ATG5: variants seen among roughly 807,000 people sequenced by gnomAD.
The protein encoded by ATG5 is autophagy protein 5.
In ATG5, 14 loss-of-function variants were observed where a neutral mutation model predicts 36.5. The observed-to-expected ratio is 0.38, with a 90% CI of 0.25 to 0.60. The LOEUF is 0.60. ATG5 is among the 20% of genes least tolerant of loss of function. The pLI is 0.60. For missense variants in ATG5, 195 were observed against 326.7 expected, an observed-to-expected ratio of 0.60 and a Z score of 3.11; for synonymous variants, 95 against 101.5, an observed-to-expected ratio of 0.94 and a Z score of 0.38.
intron 7 of ATG5, among the ~76,000 whole-genome samples, chr6:106,191,557 C>T (rs1318196687): frequency 5.3e-5 from 8 of 151,978 alleles, no homozygotes; most frequent in Admixed American, 4.6e-4. Context: ...CTTCTGTTTC[C>T]TCATCTTACA....
Position 106,283,605 on chromosome 6 carries a change from T to G in ATG5, c.316-3782A>C, listed in dbSNP as rs146898563. 443 of 152,214 alleles carry G rather than the reference T, an allele frequency of 2.9e-3. 2 individuals carry two copies. Among genetic ancestry groups the G allele is most frequent in the African/African-American group, 1.0e-2 (414 of 41,502 alleles). 9.4% of individuals were successfully genotyped at this position (152,214 alleles called of 1,614,324 possible). A position where few individuals can be genotyped will look rare whatever the true frequency, so the allele number is the denominator to read the frequency against. ...ATTGATGCTGAACTTAGTGTGGAAA[T>G]TCAATCGGCATAGCACACTACGGCC... On this transcript the variant is annotated intron_variant, in intron 4 of 7. Coordinates refer to ENST00000369076, the MANE Select transcript of ATG5 (RefSeq NM_004849.4).
At chr6:106,248,982 A>C (rs552852) in intron 5 of ATG5, among the ~76,000 whole-genome samples, 4 of 152,226 alleles carry the variant, frequency 2.6e-5, no homozygotes, top group Non-Finnish European at 5.9e-5. Context: ...AACACAGTAA[A>C]CATTAAATAC....
chr6:106,278,810 A>G (rs57255548), intron 5 of ATG5, among the ~76,000 whole-genome samples: 3,747 of 152,356 alleles, frequency 0.025, 64 homozygotes, highest in African/African-American at 0.049. Context: ...GGTAAAATGA[A>G]TAACAGACAT....
At chr6:106,277,079 A>C (rs1336051603) in intron 5 of ATG5, among the ~76,000 whole-genome samples, 1 of 152,194 alleles carries the variant, frequency 6.6e-6, no homozygotes, top group Non-Finnish European at 1.5e-5. Context: ...GAAAAAATGT[A>C]ATTTACAGTA....
chr6:106,316,263 C>A lies in ATG5; in HGVS notation c.-55G>T. On this transcript the variant is annotated 5_prime_UTR_variant, in exon 2 of 8. Coordinates refer to ENST00000369076, the MANE Select transcript of ATG5 (RefSeq NM_004849.4). ...GCTAAATTCTTATTTCAACCAAAGC[C>A]AAACTGAAAATAAAATGAAGAGCAT... 1.5e-6 allele frequency: 2 copies of A among 1,368,348 alleles called. No individual in the cohort carries two copies. Among genetic ancestry groups the A allele is most frequent in the South Asian group, 1.2e-5 (1 of 81,664 alleles). 84.8% of individuals were successfully genotyped at this position (1,368,348 alleles called of 1,614,324 possible). A position where few individuals can be genotyped will look rare whatever the true frequency, so the allele number is the denominator to read the frequency against.
intron 7 of ATG5, among the ~76,000 whole-genome samples, chr6:106,198,672 G>C (rs1582537413): frequency 1.3e-5 from 2 of 152,034 alleles, no homozygotes; most frequent in South Asian, 2.1e-4. Flanking sequence ...AGCTACTAGG[G>C]AGGCTGAGTC....
chr6:106,248,294 G>T, intron 5 of ATG5, 50 bp from the exon 6 acceptor site: 1 of 1,339,690 alleles, frequency 7.5e-7, no homozygotes, highest in Non-Finnish European at 1.1e-6. Context: ...CATTATAATG[G>T]AATACCTCAC....
intron 6 of ATG5, among the ~76,000 whole-genome samples, chr6:106,208,191 A>G (rs1020825323): frequency 3.6e-5 from 5 of 139,182 alleles, no homozygotes; most frequent in Non-Finnish European, 6.5e-5. Flanking sequence ...TCAACTGCAA[A>G]ACAGGAATAT....
At chr6:106,222,842 C>T (rs895290065) in intron 6 of ATG5, among the ~76,000 whole-genome samples, 2 of 151,936 alleles carry the variant, frequency 1.3e-5, no homozygotes, top group African/African-American at 4.8e-5. Flanking sequence ...ACCCAGAGGA[C>T]AATAAGGATT....
intron 5 of ATG5, among the ~76,000 whole-genome samples, chr6:106,255,190 G>T (rs1354951571): frequency 6.6e-6 from 1 of 152,192 alleles, no homozygotes; most frequent in African/African-American, 2.4e-5. Context: ...GTCTTGACAA[G>T]CAAGTCTGAG....
At chr6:106,262,382 A>C (rs1255492001) in intron 5 of ATG5, among the ~76,000 whole-genome samples, 1 of 152,078 alleles carries the variant, frequency 6.6e-6, no homozygotes, top group Admixed American at 6.5e-5. Context: ...GTATATTTCT[A>C]ATCAGTTCCC....
At chr6:106,219,221 T>C (rs1777151630) in intron 6 of ATG5, among the ~76,000 whole-genome samples, 1 of 152,228 alleles carries the variant, frequency 6.6e-6, no homozygotes, top group Non-Finnish European at 1.5e-5. Flanking sequence ...TCTTCAGCTC[T>C]GAAAACAAGC....
chr6:106,290,258 T>A (rs1050700439), intron 4 of ATG5, among the ~76,000 whole-genome samples: 22 of 142,160 alleles, frequency 1.5e-4, no homozygotes, highest in Middle Eastern at 3.9e-3. Context: ...TATTTTATTT[T>A]ATTTATTTTA....
intron 6 of ATG5, among the ~76,000 whole-genome samples, chr6:106,224,806 G>A (rs368677033): frequency 1.8e-4 from 28 of 152,180 alleles, no homozygotes; most frequent in African/African-American, 5.3e-4. Flanking sequence ...GCTTGAACCC[G>A]GGAGGCGGAG....
intron 6 of ATG5, among the ~76,000 whole-genome samples, chr6:106,218,006 G>T (rs1777103133): frequency 6.6e-6 from 1 of 152,062 alleles, no homozygotes; most frequent in African/African-American, 2.4e-5. Flanking sequence ...ATTAAACAGG[G>T]TTCTAAGAAA....
intron 6 of ATG5, among the ~76,000 whole-genome samples, chr6:106,231,675 A>C (rs1198331954): frequency 1.3e-5 from 2 of 152,168 alleles, no homozygotes; most frequent in Non-Finnish European, 2.9e-5. Flanking sequence ...AGGCCAACTA[A>C]TCTTAAAGGA....
chr6:106,267,436 G>A (rs985425415), intron 5 of ATG5, among the ~76,000 whole-genome samples: 1 of 152,148 alleles, frequency 6.6e-6, no homozygotes, highest in African/African-American at 2.4e-5. Context: ...CAGATTCAAC[G>A]CTATTCCCAT....
chr6:106,257,405 A>G (rs1269223458), intron 5 of ATG5, among the ~76,000 whole-genome samples: 1 of 152,202 alleles, frequency 6.6e-6, no homozygotes, highest in African/African-American at 2.4e-5. Flanking sequence ...TGACAGTATC[A>G]CCACAAATCT....
At chr6:106,253,415 T>A (rs551161895) in intron 5 of ATG5, among the ~76,000 whole-genome samples, 1 of 152,306 alleles carries the variant, frequency 6.6e-6, no homozygotes, top group South Asian at 2.1e-4. Context: ...AAATCTGTGG[T>A]TTCAGTGAAT....
Sources: gnomAD v4.1 joint callset for allele counts (sites outside exome capture counted in the v4.1 genomes callset) on GRCh38, gnomAD v4.1.1 for gene constraint, MANE v1.5 for transcripts, NCBI Gene and HGNC (gene_info 2026-07-23, HGNC 2026-07-21) for gene names.